CYP46A1: variants seen among roughly 807,000 people sequenced by gnomAD.
CYP46A1 encodes the protein cholesterol 24-hydroxylase.
In CYP46A1, 20 loss-of-function variants were observed where a neutral mutation model predicts 63.3. The observed-to-expected ratio is 0.32, with a 90% CI of 0.22 to 0.46. The LOEUF (loss-of-function observed/expected upper bound fraction) is 0.46, where lower values mean the gene tolerates loss of function less well. CYP46A1 is among the 20% of genes least tolerant of loss of function. The pLI, the probability that CYP46A1 is intolerant of heterozygous loss-of-function variation, is 1.00. For synonymous variants in CYP46A1, 268 were observed against 273.6 expected, an observed-to-expected ratio of 0.98 and a Z score of 0.20; for missense variants, 445 against 670.8, an observed-to-expected ratio of 0.66 and a Z score of 3.72.
At position 99,725,997 on chromosome 14, in the gene CYP46A1, G is replaced by C. The variant is rs1045946511; in HGVS notation, c.1266-193G>C. The stretch of plus-strand genomic sequence containing the variant: ...GACAACAGCAGTTCCTTCCAGGAGG[G>C]TAAAAGGAGGAGAAAAAGAATGCAG... On this transcript the variant is annotated intron_variant, in intron 13 of 14. Coordinates refer to ENST00000261835, the MANE Select transcript of CYP46A1 (RefSeq NM_006668.2). The surrounding 1 kb of genome is among the most constrained non-coding windows in gnomAD (Gnocchi z 4.2). Among the ~76,000 whole-genome samples, 1 of 152,190 alleles carries C rather than the reference G, an allele frequency of 6.6e-6. No homozygotes were observed. The highest frequency in any genetic ancestry group is 1.5e-5 in the Non-Finnish European group (1 of 68,034).
intron 3 of CYP46A1, among the ~76,000 whole-genome samples, chr14:99,694,366 G>GTTTTTTTT: frequency 1.1e-5 from 1 of 88,486 alleles, no homozygotes; most frequent in Non-Finnish European, 2.4e-5. Context: ...AGTAATTTGG[G>GTTTTTTTT]TTTTCTTTTT....
chr14:99,726,328 C>A, intron 14 of CYP46A1, 72 bp downstream of exon 14: 1 of 1,512,644 alleles, frequency 6.6e-7, no homozygotes, highest in South Asian at 1.2e-5. Flanking sequence ...AGCCGGGAAG[C>A]ATCTCCGAAC....
intron 5 of CYP46A1, among the ~76,000 whole-genome samples, chr14:99,703,166 C>T (rs1290364798): frequency 6.6e-6 from 1 of 152,212 alleles, no homozygotes; most frequent in Non-Finnish European, 1.5e-5. Context: ...TATCAGGAGG[C>T]ACATGCTACT....
In CYP46A1 at chr14:99,726,264, GGGCAGGGCTGTGGTTCT is replaced by G; in HGVS notation, c.1332+10_1332+26del. 1 of 1,612,838 alleles carries G rather than the reference GGGCAGGGCTGTGGTTCT, an allele frequency of 6.2e-7. No homozygotes were observed. The highest frequency in any genetic ancestry group is 8.5e-7 in the Non-Finnish European group (1 of 1,179,766). Reference sequence around the variant, plus strand: ...GGGCAGCAGTTTGCTCAGGTAGGAGGGGCAGGGCTGTGGTTCTGCCCAGGAGTAGCTGCAGGGGTGGG... The same window carrying G: ...GGGCAGCAGTTTGCTCAGGTAGGAGGGCCCAGGAGTAGCTGCAGGGGTGGG... On this transcript the variant is annotated intron_variant, in intron 14 of 14. Coordinates refer to ENST00000261835, the MANE Select transcript of CYP46A1 (RefSeq NM_006668.2).
intron 7 of CYP46A1, chr14:99,709,781 A>C (rs538822423): frequency 6.6e-6 from 1 of 152,218 alleles, no homozygotes; most frequent in African/African-American, 2.4e-5. Flanking sequence ...TCCAAGGCAC[A>C]TTATAGTCAA....
chr14:99,707,464 C>T (rs1228186507), intron 6 of CYP46A1, 104 bp from the exon 7 acceptor site: 45 of 850,976 alleles, frequency 5.3e-5, no homozygotes, highest in Non-Finnish European at 8.7e-5. Context: ...CATATAAACC[C>T]TTAGCCCAGA....
At chr14:99,714,367 G>A (rs2056767475) in intron 7 of CYP46A1, among the ~76,000 whole-genome samples, 1 of 152,122 alleles carries the variant, frequency 6.6e-6, no homozygotes, top group Non-Finnish European at 1.5e-5. Context: ...CCACTACTGG[G>A]TATTTATCCA....
At position 99,699,614 on chromosome 14, in the gene CYP46A1, G is replaced by A; in HGVS notation, c.356+75G>A. The A allele has an allele frequency of 2.7e-6, 4 of 1,503,598 alleles. No individual in the cohort carries two copies. In the South Asian group the frequency reaches 3.4e-5, roughly 13 times the overall value. The allele number at this position is 1,503,598 out of a possible 1,614,324, so 93.1% of individuals were successfully genotyped here. On this transcript the variant is annotated intron_variant, in intron 4 of 14. Coordinates refer to ENST00000261835, the MANE Select transcript of CYP46A1 (RefSeq NM_006668.2). ...TGTGAGTGAGGGCCAGTGCGGTCCA[G>A]AATGTGGGGTGTAGAATTGAGGCCT...
rs1401742169 is a variant in CYP46A1 at position 99,726,176 on chromosome 14, C to T, written c.1266-14C>T. ...TGGGGCTGCTGGCCTCGTGATTCCT[C>T]TCTTTCCCTGCAGGCCACGGTTCAC... On this transcript the variant is annotated splice_polypyrimidine_tract_variant and intron_variant, in intron 13 of 14. Coordinates refer to ENST00000261835, the MANE Select transcript of CYP46A1 (RefSeq NM_006668.2). 1 of 1,613,404 alleles carries T rather than the reference C, an allele frequency of 6.2e-7. No individual in the cohort carries two copies. Among genetic ancestry groups the T allele is most frequent in the Non-Finnish European group, 8.5e-7 (1 of 1,179,488 alleles).
intron 4 of CYP46A1, 77 bp downstream of exon 4, chr14:99,699,616 A>C: frequency 6.7e-7 from 1 of 1,493,982 alleles, no homozygotes; most frequent in Non-Finnish European, 9.3e-7. Context: ...GCGGTCCAGA[A>C]TGTGGGGTGT....
intron 3 of CYP46A1, among the ~76,000 whole-genome samples, chr14:99,692,401 T>C (rs2056551603): frequency 6.6e-6 from 1 of 152,138 alleles, no homozygotes; most frequent in African/African-American, 2.4e-5. Context: ...TAGCTGGGCA[T>C]GGTGGCAGGC....
At chr14:99,707,536 C>T in intron 6 of CYP46A1, 32 bp from the exon 7 acceptor site, 10 of 1,591,222 alleles carry the variant, frequency 6.3e-6, no homozygotes, top group Non-Finnish European at 8.6e-6. Flanking sequence ...TTCTGTGCCC[C>T]AGGGATGACC....
chr14:99,720,025 G>A (rs908116001), intron 10 of CYP46A1, among the ~76,000 whole-genome samples: 2 of 151,648 alleles, frequency 1.3e-5, no homozygotes, highest in African/African-American at 4.8e-5. Flanking sequence ...GCCTCCCAAA[G>A]TGCTGGGATT....
intron 7 of CYP46A1, chr14:99,709,886 C>A (rs1460117828): frequency 1.3e-5 from 2 of 152,164 alleles, no homozygotes; most frequent in African/African-American, 4.8e-5. Context: ...GTAGATTGCT[C>A]AGTGAAAATC....
Position 99,684,450 on chromosome 14 carries a change from C to A in CYP46A1, c.33C>A (p.Ala11=), listed in dbSNP as rs1490359208. The A allele has an allele frequency of 2.0e-6, 3 of 1,473,624 alleles. No homozygotes were observed. The highest frequency in any genetic ancestry group is 2.6e-5 in the South Asian group (2 of 78,210). The allele number at this position is 1,473,624 out of a possible 1,614,324, so 91.3% of individuals were successfully genotyped here. ...CCGGGCTGCTGCTGCTCGGCAGCGCCGTCCTGCTCGCCTTCGGCCTCTGCT... is the reference window on the plus strand; with the variant it reads ...CCGGGCTGCTGCTGCTCGGCAGCGCAGTCCTGCTCGCCTTCGGCCTCTGCT... MSPGLLLLGS[A]VLLAFGLCCT... is the part of the protein sequence containing the mutation. The change falls in exon 1 of 15, where the codon GCC becomes GCA. Residue 11 remains alanine (A), a synonymous_variant. Transcript: ENST00000261835.
intron 14 of CYP46A1, 140 bp from the exon 15 acceptor site, chr14:99,726,414 CGGA>C (rs1566838490): frequency 8.6e-7 from 1 of 1,156,368 alleles, no homozygotes. Flanking sequence ...GTGTTTTGCA[CGGA>C]GGAGAGCGCA....
At chr14:99,684,630 T>G in intron 1 of CYP46A1, 94 bp downstream of exon 1, 1 of 1,122,494 alleles carries the variant, frequency 8.9e-7, no homozygotes, top group Non-Finnish European at 1.3e-6. Context: ...GGGTCCGGCC[T>G]CGCCTAGTGC....
chr14:99,684,727 GCCCACCGCGCACAGCTGGGC>G (rs974494503), intron 1 of CYP46A1, 191 bp downstream of exon 1: 9 of 652,942 alleles, frequency 1.4e-5, no homozygotes, highest in Middle Eastern at 2.4e-4. Flanking sequence ...GCTGCTGGGC[GCCCACCGCGCACAGCTGGGC>G]CCCACAAACG....
intron 5 of CYP46A1, chr14:99,703,940 C>T: frequency 1.0e-6 from 1 of 953,134 alleles, no homozygotes; most frequent in Non-Finnish European, 1.2e-6. Context: ...ACTTATTGTG[C>T]CAAGAGCCAG....
Sources: allele counts gnomAD v4.1 joint callset (sites outside exome capture counted in the v4.1 genomes callset), GRCh38; gene constraint gnomAD v4.1.1; non-coding constraint Gnocchi (gnomAD v3.1); transcripts MANE v1.5; gene names NCBI Gene and HGNC (gene_info 2026-07-23, HGNC 2026-07-21).